Variants in MITF observed in about 807,000 individuals in gnomAD.
MITF encodes the protein melanocyte inducing transcription factor, also known as microphthalmia-associated transcription factor.
A neutral mutation model predicts 60.5 loss-of-function variants in MITF; 17 were observed. The observed-to-expected ratio is 0.28, with a 90% CI of 0.19 to 0.42. MITF has a LOEUF of 0.42. MITF is among the 10% of genes least tolerant of loss of function. MITF has a pLI of 1.00. For synonymous variants in MITF, 260 were observed against 248.5 expected, an observed-to-expected ratio of 1.05 and a Z score of -0.43; for missense variants, 622 against 683.5, an observed-to-expected ratio of 0.91 and a Z score of 1.00.
chr3:69,795,694 C>T (rs62250982), intron 1 of MITF, among the ~76,000 whole-genome samples: 23,439 of 152,126 alleles, frequency 0.15, 2,105 homozygotes, highest in South Asian at 0.21. Flanking sequence ...CCATTGCACT[C>T]CTGCCTGGGT....
chr3:69,885,102 A>T (rs371369707), intron 2 of MITF, among the ~76,000 whole-genome samples: 6 of 152,186 alleles, frequency 3.9e-5, no homozygotes, highest in Admixed American at 6.5e-5. Flanking sequence ...GTTTGATTTC[A>T]TCAGGTTGTG....
chr3:69,796,667 C>A (rs577407171), intron 1 of MITF, among the ~76,000 whole-genome samples: 1 of 150,476 alleles, frequency 6.6e-6, no homozygotes, highest in African/African-American at 2.5e-5. Flanking sequence ...CCACCGCGCC[C>A]GGCTAATTTT....
intron 1 of MITF, among the ~76,000 whole-genome samples, chr3:69,847,200 T>C (rs1367592125): frequency 6.6e-6 from 1 of 152,176 alleles, no homozygotes; most frequent in Non-Finnish European, 1.5e-5. Context: ...TTTCCCTTAG[T>C]GTATCCCAAC....
intron 2 of MITF, among the ~76,000 whole-genome samples, chr3:69,932,203 T>TA (rs1468761031): frequency 6.6e-6 from 1 of 152,232 alleles, no homozygotes; most frequent in Non-Finnish European, 1.5e-5. Flanking sequence ...TAGATAATTT[T>TA]AGGCCTTGGG....
At chr3:69,889,022 T>C (rs530164879) in intron 2 of MITF, among the ~76,000 whole-genome samples, 1 of 141,018 alleles carries the variant, frequency 7.1e-6, no homozygotes, top group Non-Finnish European at 1.5e-5. Flanking sequence ...GTAATAGCCT[T>C]TGGTTTTTTT....
intron 8 of MITF, among the ~76,000 whole-genome samples, chr3:69,957,207 G>C (rs1168071062): frequency 1.3e-5 from 2 of 152,098 alleles, no homozygotes; most frequent in African/African-American, 4.8e-5. Flanking sequence ...TCAGCAGATA[G>C]GACAACAAAC....
At chr3:69,759,543 TG>T (rs1206403769) in intron 1 of MITF, among the ~76,000 whole-genome samples, 1 of 152,234 alleles carries the variant, frequency 6.6e-6, no homozygotes, top group African/African-American at 2.4e-5. Context: ...CTGAGAATGT[TG>T]ATTTTGGGTT....
At chr3:69,900,464 G>T in intron 2 of MITF, among the ~76,000 whole-genome samples, 1 of 152,008 alleles carries the variant, frequency 6.6e-6, no homozygotes, top group Non-Finnish European at 1.5e-5. Context: ...CTCCTTCTTG[G>T]CCCTGTTTAA....
chr3:69,925,660 CCCAGACAT>C (rs2065569361), intron 2 of MITF, among the ~76,000 whole-genome samples: 1 of 152,168 alleles, frequency 6.6e-6, no homozygotes, highest in Non-Finnish European at 1.5e-5. Context: ...CAACATCTGG[CCCAGACAT>C]TCTTTTCAGG....
rs2107483653 is a variant in MITF, at chr3:69,939,116, G to C, written c.601G>C (p.Glu201Gln). The C allele has an allele frequency of 6.2e-7, 1 of 1,614,060 alleles. No individual in the cohort carries two copies. The highest frequency in any genetic ancestry group is 1.1e-5 in the South Asian group (1 of 91,070). The change falls in exon 4 of 10, where the codon GAG becomes CAG. Residue 201 changes from glutamate (E) to glutamine (Q), a missense_variant. Transcript: ENST00000352241. ...TTTGCAGGGATTTTATAAGTTTGAA[G>C]AGCAAAACAGGGCAGAGAGCGAGTG... ...CEKEGFYKFE[E>Q]QNRAESECPG... is the part of the protein sequence containing the mutation.
chr3:69,929,529 C>A, intron 2 of MITF, among the ~76,000 whole-genome samples: 1 of 152,186 alleles, frequency 6.6e-6, no homozygotes. Context: ...CTGGAATGTG[C>A]ATTTCTAATA....
intron 2 of MITF, among the ~76,000 whole-genome samples, chr3:69,891,480 C>T (rs1372561485): frequency 6.6e-6 from 1 of 152,156 alleles, no homozygotes; most frequent in South Asian, 2.1e-4. Flanking sequence ...GTTAGAAATA[C>T]AGATTCCCTG....
chr3:69,873,962 T>C (rs1218924385), intron 1 of MITF, among the ~76,000 whole-genome samples: 1 of 152,188 alleles, frequency 6.6e-6, no homozygotes, highest in Non-Finnish European at 1.5e-5. Flanking sequence ...ATTTTGTTTT[T>C]CTCAGCTAGC....
rs2107552565 is a variant in MITF, at chr3:69,965,041, C to A, written c.1374C>A (p.Asn458Lys). The A allele has an allele frequency of 6.2e-7, 1 of 1,614,144 alleles. No homozygotes were observed. Among genetic ancestry groups the A allele is most frequent in the Non-Finnish European group, 8.5e-7 (1 of 1,180,016 alleles). Residue 458 changes from asparagine to lysine, a missense_variant, in exon 10 of 10, where the codon AAC (asparagine) becomes AAA (lysine). By Grantham distance (94) the Asn-to-Lys change is moderately conservative (BLOSUM62 0). Coordinates refer to ENST00000352241, the MANE Select transcript of MITF (RefSeq NM_001354604.2). ...TCACGGATGGCACCATCACCTTCAA[C>A]AACAACCTCGGAACTGGGACTGAGG... The part of the protein sequence containing the change: ...LDLTDGTITF[N>K]NNLGTGTEAN...
intron 2 of MITF, among the ~76,000 whole-genome samples, chr3:69,906,940 A>G (rs747155130): frequency 2.0e-5 from 3 of 152,118 alleles, no homozygotes; most frequent in Non-Finnish European, 4.4e-5. Context: ...TTAATTGGCT[A>G]CTTAATATAT....
intron 1 of MITF, among the ~76,000 whole-genome samples, chr3:69,754,129 T>C (rs1704039563): frequency 6.6e-6 from 1 of 152,072 alleles, no homozygotes; most frequent in Non-Finnish European, 1.5e-5. Context: ...TGGTTTCTCA[T>C]GAATGGTTTA....
intron 1 of MITF, among the ~76,000 whole-genome samples, chr3:69,830,043 C>T (rs1432543474): frequency 6.6e-6 from 1 of 152,064 alleles, no homozygotes; most frequent in Non-Finnish European, 1.5e-5. Flanking sequence ...ATGTGATCTT[C>T]TGGGCGATGT....
At chr3:69,961,957 A>G (rs569429105) in intron 9 of MITF, among the ~76,000 whole-genome samples, 3 of 152,360 alleles carry the variant, frequency 2.0e-5, no homozygotes, top group South Asian at 4.1e-4. Context: ...GAACTTTTGC[A>G]TATCACAGAA....
At chr3:69,763,646 A>G in intron 1 of MITF, 1 of 1,237,306 alleles carries the variant, frequency 8.1e-7, no homozygotes, top group Non-Finnish European at 1.0e-6. Context: ...CCTTTCTGAG[A>G]CGGTTCAGTG....
Sources: allele counts gnomAD v4.1 joint callset (sites outside exome capture counted in the v4.1 genomes callset), GRCh38; gene constraint gnomAD v4.1.1; transcripts MANE v1.5; gene names NCBI Gene and HGNC (gene_info 2026-07-23, HGNC 2026-07-21).